The following CYP2C19 variants were observed in gnomAD, a reference collection of about 807,000 sequenced individuals.
CYP2C19 encodes cytochrome P450 family 2 subfamily C member 19, also known as cytochrome P450 2C19.
Under a neutral mutation model 40.9 loss-of-function variants are expected in CYP2C19, and 59 were observed. That is an observed-to-expected ratio of 1.44 (90% CI 1.17 to 1.79). CYP2C19 has a LOEUF of 1.79. CYP2C19 is among the 40% of genes most tolerant of loss of function. The pLI is 0.00. For missense variants in CYP2C19, 754 were observed against 596.9 expected, an observed-to-expected ratio of 1.26 and a Z score of -2.74; for synonymous variants, 253 against 208.7, an observed-to-expected ratio of 1.21 and a Z score of -1.83.
chr10:94,830,190 C>G (rs1011943563), intron 6 of CYP2C19, among the ~76,000 whole-genome samples: 4 of 152,250 alleles, frequency 2.6e-5, no homozygotes, highest in South Asian at 2.1e-4. Flanking sequence ...CACCCAGTTC[C>G]AGCTTCCTGG....
At chr10:94,789,107 C>A (rs2134244614) in intron 5 of CYP2C19, among the ~76,000 whole-genome samples, 1 of 151,712 alleles carries the variant, frequency 6.6e-6, no homozygotes, top group South Asian at 2.1e-4. Context: ...TGATGACGAG[C>A]TTTTTTTCAT....
In CYP2C19 at chr10:94,779,069, C is replaced by T. The variant is rs1270850095; in HGVS notation, c.482-1430C>T. ...ATAAGTGGGAGTTGAAAAATGAGAACACATGGACACAGGAAGGGTAACATC... is the reference window on the plus strand; with the variant it reads ...ATAAGTGGGAGTTGAAAAATGAGAATACATGGACACAGGAAGGGTAACATC... On this transcript the variant is annotated intron_variant, in intron 3 of 8. Transcript: ENST00000371321. Among the ~76,000 whole-genome samples the T allele has an allele frequency of 2.0e-5, 3 of 152,076 alleles. 1 individual carries two copies. The highest frequency in any genetic ancestry group is 2.0e-4 in the Admixed American group (3 of 15,288).
intron 6 of CYP2C19, among the ~76,000 whole-genome samples, 196 bp downstream of exon 6, chr10:94,820,833 C>T (rs1056490373): frequency 2.0e-5 from 3 of 152,140 alleles, no homozygotes; most frequent in African/African-American, 7.2e-5. Flanking sequence ...GATTGTAATC[C>T]CAGCCCTTTG....
At position 94,773,088 on chromosome 10, in the gene CYP2C19, A is replaced by C. The variant is rs1187758777; in HGVS notation, c.169-1970A>C. 3.3e-5 allele frequency among the ~76,000 whole-genome samples: 5 copies of C among 152,278 alleles called. 1 individual carries two copies. The highest frequency in any genetic ancestry group is 4.1e-4 in the South Asian group (2 of 4,828). Reference sequence around the variant, plus strand: ...GAGCCACCGCACCCGGCCATTGGTCACTTTTAACTGGCTGACAGGTGCCCA... The same window carrying C: ...GAGCCACCGCACCCGGCCATTGGTCCCTTTTAACTGGCTGACAGGTGCCCA... On this transcript the variant is annotated intron_variant, in intron 1 of 8. Transcript: ENST00000371321.
intron 5 of CYP2C19, among the ~76,000 whole-genome samples, chr10:94,797,818 T>C (rs1436026744): frequency 2.0e-5 from 3 of 152,176 alleles, no homozygotes; most frequent in Non-Finnish European, 4.4e-5. Context: ...TTTGTATTTC[T>C]CTGTGATTGG....
intron 5 of CYP2C19, among the ~76,000 whole-genome samples, chr10:94,815,679 C>A (rs1338911559): frequency 1.3e-5 from 2 of 152,150 alleles, no homozygotes; most frequent in Non-Finnish European, 2.9e-5. Flanking sequence ...TTATTTATTC[C>A]TGCACTACTT....
intron 1 of CYP2C19, chr10:94,774,286 T>A (rs55805503): frequency 0.073 from 11,095 of 152,200 alleles, 471 homozygotes; most frequent in South Asian, 0.12. Context: ...ATAGCCATGA[T>A]AATAAGTGAC....
chr10:94,764,371 G>A (rs1326388667), intron 1 of CYP2C19, among the ~76,000 whole-genome samples: 1 of 152,108 alleles, frequency 6.6e-6, no homozygotes, highest in African/African-American at 2.4e-5. Context: ...GACACAGAGA[G>A]CTGATTGGTG....
chr10:94,773,444 CT>C (rs2134235231), intron 1 of CYP2C19, among the ~76,000 whole-genome samples: 1 of 152,272 alleles, frequency 6.6e-6, no homozygotes, highest in South Asian at 2.1e-4. Flanking sequence ...AATATTACAG[CT>C]GTTAAAGATG....
At position 94,765,734 on chromosome 10, in the gene CYP2C19, G is replaced by A. The variant is rs555684466; in HGVS notation, c.168+2861G>A. Among the ~76,000 whole-genome samples, 3 of 152,184 alleles carry A rather than the reference G, an allele frequency of 2.0e-5. No homozygotes were observed. In the South Asian group the frequency reaches 6.2e-4, roughly 32 times the overall value. On this transcript the variant is annotated intron_variant, in intron 1 of 8. Transcript: ENST00000371321. ...CCTGGACTGTTTGTTAAGCAGGGAG[G>A]AGGTGATGATATTTTGGGGCCCTGA...
chr10:94,773,077 G>T lies in CYP2C19; in HGVS notation c.169-1981G>T, dbSNP rs191278226. Among the ~76,000 whole-genome samples the T allele has an allele frequency of 2.0e-5, 3 of 152,308 alleles. No homozygotes were observed. In the East Asian group the frequency reaches 5.8e-4, roughly 29 times the overall value. On this transcript the variant is annotated intron_variant, in intron 1 of 8. Coordinates refer to ENST00000371321, the MANE Select transcript of CYP2C19 (RefSeq NM_000769.4). Reference sequence around the variant, plus strand: ...ATTACAGGCGTGAGCCACCGCACCCGGCCATTGGTCACTTTTAACTGGCTG... The same window carrying T: ...ATTACAGGCGTGAGCCACCGCACCCTGCCATTGGTCACTTTTAACTGGCTG...
chr10:94,837,711 G>C (rs191381069), intron 6 of CYP2C19, among the ~76,000 whole-genome samples: 19 of 152,254 alleles, frequency 1.2e-4, no homozygotes, highest in Admixed American at 1.2e-3. Context: ...CAGTGTCCAG[G>C]AGACAGTTAA....
In CYP2C19 at chr10:94,780,678, C is replaced by T; in HGVS notation, c.642+19C>T. 4 of 1,612,982 alleles carry T rather than the reference C, an allele frequency of 2.5e-6. No homozygotes were observed. The highest frequency in any genetic ancestry group is 3.4e-6 in the Non-Finnish European group (4 of 1,179,432). On this transcript the variant is annotated intron_variant, in intron 4 of 8. Coordinates refer to ENST00000371321, the MANE Select transcript of CYP2C19 (RefSeq NM_000769.4). ...GATCCAGGTAAGGCCAAGTTTTTTG[C>T]TTCCTGAGAAACCACTTACAGTCTT...
At chr10:94,797,765 A>T (rs1450457731) in intron 5 of CYP2C19, among the ~76,000 whole-genome samples, 1 of 152,036 alleles carries the variant, frequency 6.6e-6, no homozygotes, top group Middle Eastern at 3.2e-3. Flanking sequence ...TAGATATTCT[A>T]GTTTATTTGC....
chr10:94,810,791 A>T (rs1052762813), intron 5 of CYP2C19, among the ~76,000 whole-genome samples: 3 of 151,808 alleles, frequency 2.0e-5, no homozygotes, highest in Non-Finnish European at 4.4e-5. Flanking sequence ...CTTCTTTATT[A>T]GTCTGGCTAG....
At chr10:94,827,536 A>G (rs906310025) in intron 6 of CYP2C19, among the ~76,000 whole-genome samples, 2 of 151,786 alleles carry the variant, frequency 1.3e-5, no homozygotes, top group Non-Finnish European at 2.9e-5. Context: ...TATTGCGTCT[A>G]TTTGATTCTT....
Position 94,854,294 on chromosome 10 carries a change from C to T in CYP2C19, c.*1380C>T, listed in dbSNP as rs939971414. ...TCAGCCTCCCAAACTGCTGGGCTTA[C>T]AGGCGTGAGCCACTGCACCTGGCTG... On this transcript the variant is annotated 3_prime_UTR_variant, in exon 9 of 9. Coordinates refer to ENST00000371321, the MANE Select transcript of CYP2C19 (RefSeq NM_000769.4). Among the ~76,000 whole-genome samples, 4 of 152,292 alleles carry T rather than the reference C, an allele frequency of 2.6e-5. No homozygotes were observed. The highest frequency in any genetic ancestry group is 5.9e-5 in the Non-Finnish European group (4 of 68,022).
In CYP2C19 at chr10:94,853,875, T is replaced by C. The variant is rs1335375369; in HGVS notation, c.*961T>C. ...GTTACTTTAAAGTGTCATTACTTTA[T>C]CTCTAAATAAAGAATCAGGTTACTT... On this transcript the variant is annotated 3_prime_UTR_variant, in exon 9 of 9. Transcript: ENST00000371321. 6.6e-6 allele frequency among the ~76,000 whole-genome samples: 1 copy of C among 152,084 alleles called. No individual in the cohort carries two copies. Among genetic ancestry groups the C allele is most frequent in the Non-Finnish European group, 1.5e-5 (1 of 68,010 alleles).
At chr10:94,784,298 T>C (rs1848514391) in intron 5 of CYP2C19, among the ~76,000 whole-genome samples, 1 of 152,172 alleles carries the variant, frequency 6.6e-6, no homozygotes. Flanking sequence ...TATTCATCTG[T>C]TTGTGGACAT....
Sources: allele counts gnomAD v4.1 joint callset (sites outside exome capture counted in the v4.1 genomes callset), GRCh38; gene constraint gnomAD v4.1.1; transcripts MANE v1.5; gene names NCBI Gene and HGNC (gene_info 2026-07-23, HGNC 2026-07-21).